Variants in GJB7 observed in about 807,000 individuals in gnomAD.
GJB7 encodes gap junction protein beta 7.
For missense variants in GJB7, 253 were observed against 256.8 expected (o/e 0.99, Z 0.10); for synonymous variants, 87 against 95.2 (o/e 0.91, Z 0.50).
At chr6:87,311,468 C>A (rs1663535589) in intron 2 of GJB7, among the ~76,000 whole-genome samples, 1 of 152,140 alleles carries the variant, frequency 6.6e-6, no homozygotes, top group Admixed American at 6.5e-5. Flanking sequence ...GTTGACCAAG[C>A]AAAGCTTACA....
intron 2 of GJB7, among the ~76,000 whole-genome samples, chr6:87,295,514 C>T (rs1437113551): frequency 6.6e-6 from 1 of 152,052 alleles, no homozygotes; most frequent in Non-Finnish European, 1.5e-5. Flanking sequence ...CCATCTTCTG[C>T]CTGATGTAGG....
At chr6:87,308,456 C>A (rs186660903) in intron 2 of GJB7, among the ~76,000 whole-genome samples, 6 of 152,110 alleles carry the variant, frequency 3.9e-5, no homozygotes, top group Admixed American at 1.3e-4. Flanking sequence ...AGCAGATTAA[C>A]TGAAAAAAGA....
At chr6:87,291,781 T>C (rs1776178358) in intron 2 of GJB7, among the ~76,000 whole-genome samples, 1 of 152,232 alleles carries the variant, frequency 6.6e-6, no homozygotes, top group Non-Finnish European at 1.5e-5. Flanking sequence ...TAAAAAGTAA[T>C]GACTACCCAC....
At position 87,284,804 on chromosome 6, in the gene GJB7, T is replaced by A; in HGVS notation, c.109A>T (p.Met37Leu). 1 of 1,614,080 alleles carries A rather than the reference T, an allele frequency of 6.2e-7. No individual in the cohort carries two copies. Among genetic ancestry groups the A allele is most frequent in the Non-Finnish European group, 8.5e-7 (1 of 1,180,006 alleles). Reference sequence around the variant, plus strand: ...TTCCACACGTGCTCTGCTGCCACCATGTAGACCAGCAAACGGAAGACAAAC... The same window carrying A: ...TTCCACACGTGCTCTGCTGCCACCAAGTAGACCAGCAAACGGAAGACAAAC... ...VVFVFRLLVY[M>L]VAAEHVWKDE... The change falls in exon 3 of 3, where the codon ATG (methionine) becomes TTG (leucine). Residue 37 changes from methionine to leucine, a missense_variant. By Grantham distance (15) the Met-to-Leu change is conservative. Coordinates refer to ENST00000525899, the MANE Select transcript of GJB7 (RefSeq NM_198568.3).
intron 1 of GJB7, among the ~76,000 whole-genome samples, chr6:87,328,905 C>T (rs1178575680): frequency 2.6e-5 from 4 of 152,236 alleles, no homozygotes; most frequent in Non-Finnish European, 5.9e-5. Flanking sequence ...ATCAGCCAGA[C>T]TCCGTGGGCG....
At chr6:87,309,474 C>T (rs958915561) in intron 2 of GJB7, among the ~76,000 whole-genome samples, 2 of 152,186 alleles carry the variant, frequency 1.3e-5, no homozygotes, top group Non-Finnish European at 2.9e-5. Flanking sequence ...AACCAGCTCC[C>T]ACAATTGCAC....
intron 2 of GJB7, among the ~76,000 whole-genome samples, chr6:87,293,731 C>T (rs1776212365): frequency 6.6e-6 from 1 of 152,176 alleles, no homozygotes; most frequent in Non-Finnish European, 1.5e-5. Context: ...GTACTGAAGC[C>T]CCAGGCACTG....
At chr6:87,328,567 G>T (rs1776901158) in intron 1 of GJB7, among the ~76,000 whole-genome samples, 1 of 151,978 alleles carries the variant, frequency 6.6e-6, no homozygotes, top group African/African-American at 2.4e-5. Flanking sequence ...GCTGCTCGGG[G>T]GTCAGGGGTC....
chr6:87,293,678 G>A (rs182075542), intron 2 of GJB7, among the ~76,000 whole-genome samples: 23 of 152,306 alleles, frequency 1.5e-4, no homozygotes, highest in Admixed American at 9.8e-4. Context: ...TAGCAGCAGC[G>A]GGGCTGAGGA....
chr6:87,284,904 C>T lies in GJB7; in HGVS notation c.9G>A (p.Trp3Ter), dbSNP rs753977503. Residue 3 changes from tryptophan to a stop codon, truncating the protein, a stop_gained, in exon 3 of 3, where the codon TGG becomes TGA. Transcript: ENST00000525899. LOFTEE classifies it low-confidence loss of function (END_TRUNC). ...CACTCAGGAGATCTCTGAGGAACATCCAACTCATGACTTAGGCTCAAAAGA... is the reference window on the plus strand; with the variant it reads ...CACTCAGGAGATCTCTGAGGAACATTCAACTCATGACTTAGGCTCAAAAGA... MS[W>*]MFLRDLLSGV... 3.1e-6 allele frequency: 5 copies of T among 1,610,588 alleles called. No individual in the cohort carries two copies. In the Admixed American group the frequency reaches 8.3e-5, roughly 27 times the overall value.
intron 2 of GJB7, among the ~76,000 whole-genome samples, chr6:87,287,287 G>A (rs1236777117): frequency 6.6e-6 from 1 of 152,166 alleles, no homozygotes; most frequent in East Asian, 1.9e-4. Flanking sequence ...CTTGTTTTCT[G>A]CATAGACTCA....
chr6:87,305,262 T>C (rs1336345372), intron 2 of GJB7, among the ~76,000 whole-genome samples: 2 of 152,056 alleles, frequency 1.3e-5, no homozygotes, highest in Non-Finnish European at 2.9e-5. Flanking sequence ...GACATGATTG[T>C]ATATCTAGAA....
chr6:87,317,306 G>A (rs1043618417), intron 2 of GJB7, among the ~76,000 whole-genome samples: 4 of 152,182 alleles, frequency 2.6e-5, no homozygotes, highest in African/African-American at 9.6e-5. Context: ...AGAGATTGCA[G>A]TGAGTTAAGA....
At position 87,308,541 on chromosome 6, in the gene GJB7, T is replaced by C. The variant is rs533666976; in HGVS notation, c.-28+14325A>G. ...AGAGAAAATAAGATGAATATGTATTTAACAAAAAAGAAAAAGACATTTGGG... is the reference window on the plus strand; with the variant it reads ...AGAGAAAATAAGATGAATATGTATTCAACAAAAAAGAAAAAGACATTTGGG... On this transcript the variant is annotated intron_variant, in intron 2 of 2. Transcript: ENST00000525899. 2.6e-5 allele frequency among the ~76,000 whole-genome samples: 4 copies of C among 152,094 alleles called. No individual in the cohort carries two copies. In the South Asian group the frequency reaches 8.3e-4, roughly 32 times the overall value.
intron 2 of GJB7, chr6:87,299,103 C>T: frequency 2.0e-6 from 1 of 501,286 alleles, no homozygotes; most frequent in South Asian, 1.4e-5. Context: ...ATCACCAGTG[C>T]TATTGTACTG....
intron 2 of GJB7, among the ~76,000 whole-genome samples, chr6:87,287,676 G>GT (rs1776085374): frequency 2.0e-5 from 3 of 152,278 alleles, no homozygotes; most frequent in Admixed American, 2.0e-4. Flanking sequence ...CCTATGACAT[G>GT]TATCATTGGG....
intron 2 of GJB7, among the ~76,000 whole-genome samples, chr6:87,290,572 T>C (rs1376008830): frequency 6.6e-6 from 1 of 152,180 alleles, no homozygotes; most frequent in African/African-American, 2.4e-5. Context: ...TTCATATTCC[T>C]AAGCTTTTAA....
intron 1 of GJB7, among the ~76,000 whole-genome samples, chr6:87,326,897 A>C (rs1315935679): frequency 8.7e-6 from 1 of 114,310 alleles, no homozygotes; most frequent in Non-Finnish European, 1.8e-5. Flanking sequence ...AATTTGTGGG[A>C]GTTTAAGTCT....
chr6:87,284,492 A>G lies in GJB7; in HGVS notation c.421T>C (p.Leu141=). The G allele has an allele frequency of 1.9e-6, 3 of 1,610,864 alleles. No homozygotes were observed. The highest frequency in any genetic ancestry group is 2.5e-6 in the Non-Finnish European group (3 of 1,179,188). The change falls in exon 3 of 3, where the codon TTA becomes CTA. Residue 141 remains leucine, a synonymous_variant. Coordinates refer to ENST00000525899, the MANE Select transcript of GJB7 (RefSeq NM_198568.3). Reference sequence around the variant, plus strand: ...AAGCCATCATATAGCTTATAAAATAAAACAAGGAAGCCAATTTCAAAACCA... The same window carrying G: ...AAGCCATCATATAGCTTATAAAATAGAACAAGGAAGCCAATTTCAAAACCA... ...KTGFEIGFLV[L]FYKLYDGFSV... is the part of the protein sequence containing the mutation.
Sources: gnomAD v4.1 joint callset for allele counts (sites outside exome capture counted in the v4.1 genomes callset) on GRCh38, gnomAD v4.1.1 for gene constraint, MANE v1.5 for transcripts, NCBI Gene and HGNC (gene_info 2026-07-23, HGNC 2026-07-21) for gene names.